Variants in EPS15 observed in about 807,000 individuals in gnomAD.
The protein encoded by EPS15 is epidermal growth factor receptor pathway substrate 15, also known as epidermal growth factor receptor substrate 15.
A neutral mutation model predicts 113.8 loss-of-function variants in EPS15; 72 were observed. That is an observed-to-expected ratio of 0.63 (90% CI 0.52 to 0.77). EPS15 has a LOEUF of 0.77. EPS15 is among the 30% of genes least tolerant of loss of function. EPS15 has a pLI of 0.00. For missense variants in EPS15, 1,048 were observed against 1,045.8 expected (o/e 1.00, Z -0.03); for synonymous variants, 344 against 363.4 (o/e 0.95, Z 0.61).
chr1:51,363,446 G>C (rs1646435059), intron 23 of EPS15, among the ~76,000 whole-genome samples: 1 of 152,094 alleles, frequency 6.6e-6, no homozygotes, highest in African/African-American at 2.4e-5. Flanking sequence ...ATTTAAGGAA[G>C]ACTTTATACT....
intron 21 of EPS15, among the ~76,000 whole-genome samples, chr1:51,385,041 T>C (rs139824266): frequency 1.5e-4 from 23 of 152,322 alleles, no homozygotes; most frequent in Non-Finnish European, 3.2e-4. Context: ...CTTTCTTGGT[T>C]ATAACACTAA....
At position 51,406,040 on chromosome 1, in the gene EPS15, G is replaced by A. The variant is rs1649093393; in HGVS notation, c.1542C>T (p.Ser514=). The change falls in exon 16 of 25, where the codon AGC becomes AGT. Residue 514 remains serine (S), a synonymous_variant. Coordinates refer to ENST00000371733, the MANE Select transcript of EPS15 (RefSeq NM_001981.3). ...NHNSQLNWCS[S]PHSILVNGAT... is the part of the protein sequence containing the mutation. ...CTCCGTTTACAAGAATGCTGTGTGG[G>A]CTACTGCACCAATTTAACTGACTAT... The A allele has an allele frequency of 6.2e-7, 1 of 1,614,116 alleles. No homozygotes were observed. The highest frequency in any genetic ancestry group is 8.5e-7 in the Non-Finnish European group (1 of 1,179,984).
intron 1 of EPS15, among the ~76,000 whole-genome samples, chr1:51,484,791 C>A (rs1011189930): frequency 6.6e-6 from 1 of 152,136 alleles, no homozygotes; most frequent in Non-Finnish European, 1.5e-5. Context: ...ACCTGGTATG[C>A]CAGGCAGTGC....
chr1:51,427,396 T>C (rs982732351), intron 12 of EPS15, among the ~76,000 whole-genome samples: 1 of 152,208 alleles, frequency 6.6e-6, no homozygotes, highest in Non-Finnish European at 1.5e-5. Flanking sequence ...ACCAGTGAGA[T>C]AGGCACCTGT....
chr1:51,481,380 C>G (rs1644017857), intron 1 of EPS15, 66 bp from the exon 2 acceptor site: 1 of 759,750 alleles, frequency 1.3e-6, no homozygotes, highest in Admixed American at 2.1e-5. Flanking sequence ...ATTTGGCATT[C>G]ATTCAACAGA....
chr1:51,367,013 G>C (rs1429845507), intron 21 of EPS15, among the ~76,000 whole-genome samples: 1 of 152,058 alleles, frequency 6.6e-6, no homozygotes, highest in African/African-American at 2.4e-5. Context: ...CCTTGAAAAA[G>C]TTCAGTCTAG....
chr1:51,453,983 G>C (rs963283599), intron 8 of EPS15, among the ~76,000 whole-genome samples: 1 of 150,200 alleles, frequency 6.7e-6, no homozygotes, highest in Non-Finnish European at 1.5e-5. Flanking sequence ...CTAGCAGGTG[G>C]AGGCTGCAGT....
In EPS15 at chr1:51,481,024, A is replaced by G. The variant is rs534409483; in HGVS notation, c.75+249T>C. Among the ~76,000 whole-genome samples the G allele has an allele frequency of 7.9e-5, 12 of 152,356 alleles. No homozygotes were observed. In the South Asian group the frequency reaches 2.5e-3, roughly 32 times the overall value. ...AATTTGGAATATTTATATCTGGATAAATCTATCAAATGTATACATTTTCAA... is the reference window on the plus strand; with the variant it reads ...AATTTGGAATATTTATATCTGGATAGATCTATCAAATGTATACATTTTCAA... On this transcript the variant is annotated intron_variant, in intron 2 of 24. Transcript: ENST00000371733.
intron 21 of EPS15, among the ~76,000 whole-genome samples, chr1:51,390,368 G>A (rs1647242111): frequency 6.6e-6 from 1 of 152,054 alleles, no homozygotes; most frequent in African/African-American, 2.4e-5. Context: ...AACCCTAGAA[G>A]AAAACCTAGG....
At chr1:51,367,974 A>C (rs1471363544) in intron 21 of EPS15, among the ~76,000 whole-genome samples, 1 of 152,144 alleles carries the variant, frequency 6.6e-6, no homozygotes, top group Non-Finnish European at 1.5e-5. Context: ...TCTACTAAAA[A>C]TACAAAAATT....
intron 4 of EPS15, among the ~76,000 whole-genome samples, chr1:51,468,959 C>T (rs1655050159): frequency 6.6e-6 from 1 of 151,870 alleles, no homozygotes; most frequent in African/African-American, 2.4e-5. Context: ...GAAACCCCGT[C>T]TCTCTACTAA....
At chr1:51,516,962 G>A (rs1294761982) in intron 1 of EPS15, among the ~76,000 whole-genome samples, 1 of 152,198 alleles carries the variant, frequency 6.6e-6, no homozygotes, top group African/African-American at 2.4e-5. Context: ...TGTGCTGGGA[G>A]AGTGGGCAGG....
At chr1:51,461,542 A>AG (rs1297377677) in intron 7 of EPS15, among the ~76,000 whole-genome samples, 2 of 148,704 alleles carry the variant, frequency 1.3e-5, no homozygotes, top group African/African-American at 2.6e-5. Flanking sequence ...AAAAAAAAAA[A>AG]AAAAAGTGTA....
At chr1:51,490,199 G>C (rs1217445463) in intron 1 of EPS15, 2 of 379,314 alleles carry the variant, frequency 5.3e-6, no homozygotes, top group Non-Finnish European at 1.0e-5. Context: ...ATGACTTTGA[G>C]AGTACAAGAT....
At chr1:51,518,836 C>CTCA (rs1644781502) in intron 1 of EPS15, among the ~76,000 whole-genome samples, 1 of 151,790 alleles carries the variant, frequency 6.6e-6, no homozygotes, top group Non-Finnish European at 1.5e-5. Flanking sequence ...ATGCGTGCGG[C>CTCA]CCTGTGGGAG....
Position 51,363,992 on chromosome 1 carries a change from T to G in EPS15, c.2233A>C (p.Ser745Arg). ...NEDPFRSATSSSVSNVVITKN... is the reference protein window; with the variant it reads ...NEDPFRSATSRSVSNVVITKN... ...GTAATCACTACGTTGCTGACAGAGC[T>G]CGATGTGGCTGAACGAAAAGGATCT... The change falls in exon 23 of 25, where the codon AGC becomes CGC. Residue 745 changes from serine to arginine, a missense_variant. Ser to Arg is a moderately radical substitution (Grantham distance 110). Coordinates refer to ENST00000371733, the MANE Select transcript of EPS15 (RefSeq NM_001981.3). 5 of 1,613,620 alleles carry G rather than the reference T, an allele frequency of 3.1e-6. No homozygotes were observed. The highest frequency in any genetic ancestry group is 4.2e-6 in the Non-Finnish European group (5 of 1,179,744).
chr1:51,373,363 T>A (rs1646710474), intron 21 of EPS15: 1 of 152,290 alleles, frequency 6.6e-6, no homozygotes, highest in Admixed American at 6.5e-5. Context: ...GAGGGACTGA[T>A]CTCAAACCTA....
chr1:51,490,970 T>C (rs577666460), intron 1 of EPS15, among the ~76,000 whole-genome samples: 13 of 152,264 alleles, frequency 8.5e-5, no homozygotes, highest in Admixed American at 5.2e-4. Flanking sequence ...GAAGGGTGCA[T>C]AGAGCCTCTC....
chr1:51,498,273 T>C (rs930313313), intron 1 of EPS15, among the ~76,000 whole-genome samples: 2 of 152,188 alleles, frequency 1.3e-5, no homozygotes, highest in Non-Finnish European at 2.9e-5. Context: ...ATTGATGATA[T>C]GATCTTAGGT....
Sources: gnomAD v4.1 joint callset for allele counts (sites outside exome capture counted in the v4.1 genomes callset) on GRCh38, gnomAD v4.1.1 for gene constraint, MANE v1.5 for transcripts, NCBI Gene and HGNC (gene_info 2026-07-23, HGNC 2026-07-21) for gene names.